Variants in MANBA observed in about 807,000 individuals in gnomAD.
The protein encoded by MANBA is mannosidase beta.
MANBA carries 83 observed loss-of-function variants against 111.1 expected under a neutral mutation model. That is an observed-to-expected ratio of 0.75 (90% CI 0.63 to 0.90). The LOEUF (loss-of-function observed/expected upper bound fraction) is 0.90, where lower values mean the gene tolerates loss of function less well. Among genes scored for constraint, MANBA ranks in the 40% least tolerant of loss-of-function variants. MANBA has a pLI of 0.00. For synonymous variants in MANBA, 370 were observed against 378.7 expected, an observed-to-expected ratio of 0.98 and a Z score of 0.27; for missense variants, 1,036 against 1,069.0, an observed-to-expected ratio of 0.97 and a Z score of 0.43.
At chr4:102,650,791 A>G in intron 12 of MANBA, 90 bp from the exon 13 acceptor site, 1 of 1,017,328 alleles carries the variant, frequency 9.8e-7, no homozygotes, top group South Asian at 1.3e-5. Context: ...AAAGTATCCT[A>G]AACACTAGAG....
chr4:102,723,403 A>G (rs1722663811), intron 3 of MANBA, among the ~76,000 whole-genome samples: 1 of 152,214 alleles, frequency 6.6e-6, no homozygotes. Context: ...TAGACACTTC[A>G]TGACAACCTG....
chr4:102,709,232 G>A (rs940283538), intron 5 of MANBA, among the ~76,000 whole-genome samples: 2 of 136,628 alleles, frequency 1.5e-5, no homozygotes, highest in African/African-American at 2.7e-5. Flanking sequence ...GAAAGGAAAG[G>A]AAAAAAGAAA....
intron 5 of MANBA, among the ~76,000 whole-genome samples, chr4:102,704,456 C>G (rs1204552982): frequency 6.6e-6 from 1 of 152,108 alleles, no homozygotes; most frequent in African/African-American, 2.4e-5. Context: ...AAGCATGAGC[C>G]ACCACGCCCA....
intron 5 of MANBA, among the ~76,000 whole-genome samples, chr4:102,697,398 C>T (rs1732768784): frequency 6.6e-6 from 1 of 151,750 alleles, no homozygotes; most frequent in Admixed American, 6.6e-5. Context: ...GGTACATGTG[C>T]ACAATGTGCA....
Position 102,639,803 on chromosome 4 carries a change from T to G in MANBA, c.1924A>C (p.Ser642Arg), listed in dbSNP as rs1729798038. 1.2e-6 allele frequency: 2 copies of G among 1,614,128 alleles called. No homozygotes were observed. Among genetic ancestry groups the G allele is most frequent in the East Asian group, 2.2e-5 (1 of 44,888 alleles). Reference protein sequence around the residue: ...TETEFYRRSRSEIVDQQGHTM... With the variant: ...TETEFYRRSRREIVDQQGHTM... Reference sequence around the variant, plus strand: ...TGCCCTTGCTGATCCACTATCTCGCTGCGACTACGGCGGTAGAATTCAGTT... The same window carrying G: ...TGCCCTTGCTGATCCACTATCTCGCGGCGACTACGGCGGTAGAATTCAGTT... The change falls in exon 14 of 17, where the codon AGC becomes CGC. Residue 642 changes from serine to arginine, a missense_variant. Ser to Arg is a moderately radical substitution (Grantham distance 110, BLOSUM62 -1). Transcript: ENST00000647097.
In MANBA at chr4:102,631,104, CTTTGTGTGTGTGTGTG is replaced by C. The variant is rs1409282594; in HGVS notation, c.*937_*952del. On this transcript the variant is annotated 3_prime_UTR_variant, in exon 17 of 17. Transcript: ENST00000647097. ...AAGTCCCCTTATCCCCTTGATAAGG[CTTTGTGTGTGTGTGTG>C]TGTGTGTGTGTGTGTGTGTGTGTGT... The C allele has an allele frequency of 1.8e-3, 246 of 138,966 alleles. 2 individuals carry two copies. Among genetic ancestry groups the C allele is most frequent in the East Asian group, 0.01 (50 of 4,828 alleles). 8.6% of individuals were successfully genotyped at this position (138,966 alleles called of 1,614,324 possible).
rs376200367 is a variant in MANBA at position 102,635,091 on chromosome 4, A to C, written c.2158-46T>G. ...ATAAAAACAGGCATTCTTGGTTGCT[A>C]TGTTTTTAAGGAACAATAGTAGTAA... On this transcript the variant is annotated intron_variant, in intron 15 of 16. Transcript: ENST00000647097. The C allele has an allele frequency of 1.6e-5, 26 of 1,605,480 alleles. 1 individual carries two copies. The South Asian group carries it at 2.8e-4, about 17-fold the overall frequency.
chr4:102,664,768 G>T lies in MANBA; in HGVS notation c.1402C>A (p.His468Asn). Residue 468 changes from histidine to asparagine, a missense_variant, in exon 11 of 17, where the codon CAT becomes AAT. His to Asn is a moderately conservative substitution (Grantham distance 68, BLOSUM62 1). Coordinates refer to ENST00000647097, the MANE Select transcript of MANBA (RefSeq NM_005908.4). ...NEEALMMNWY[H>N]ISFTDRPIYI... ...ATTGGCCGGTCAGTGAAACTGATAT[G>T]ATACCAATTCATCATCAGCGCCTCC... The T allele has an allele frequency of 6.2e-7, 1 of 1,610,066 alleles. No homozygotes were observed. Among genetic ancestry groups the T allele is most frequent in the Non-Finnish European group, 8.5e-7 (1 of 1,176,264 alleles).
chr4:102,688,740 T>C (rs1484802887), intron 7 of MANBA, among the ~76,000 whole-genome samples: 3 of 152,192 alleles, frequency 2.0e-5, no homozygotes, highest in Admixed American at 2.0e-4. Context: ...AATAACAAAG[T>C]GCAGTTCTTT....
At chr4:102,699,093 C>T (rs1407547124) in intron 5 of MANBA, among the ~76,000 whole-genome samples, 12 of 152,002 alleles carry the variant, frequency 7.9e-5, no homozygotes, top group African/African-American at 2.9e-4. Flanking sequence ...AGGTGGATTC[C>T]TAGGTATTTT....
At chr4:102,697,637 T>A (rs1186550502) in intron 5 of MANBA, among the ~76,000 whole-genome samples, 3 of 149,432 alleles carry the variant, frequency 2.0e-5, no homozygotes, top group African/African-American at 7.4e-5. Flanking sequence ...GATAGTTTAC[T>A]GAGAATGATG....
At position 102,714,532 on chromosome 4, in the gene MANBA, C is replaced by A; in HGVS notation, c.579G>T (p.Gly193=). The change falls in exon 5 of 17, where the codon GGG becomes GGT. Residue 193 remains glycine, a synonymous_variant. Coordinates refer to ENST00000647097, the MANE Select transcript of MANBA (RefSeq NM_005908.4). ...AGATTCCCTGGGTAGGAAAGGAAGGCCCCCAGTCCCAACTAAAGGAACATT... is the reference window on the plus strand; with the variant it reads ...AGATTCCCTGGGTAGGAAAGGAAGGACCCCAGTCCCAACTAAAGGAACATT... ...KEQCSFSWDW[G]PSFPTQGIWK... 1 of 1,607,900 alleles carries A rather than the reference C, an allele frequency of 6.2e-7. No homozygotes were observed. Among genetic ancestry groups the A allele is most frequent in the South Asian group, 1.1e-5 (1 of 90,932 alleles).
chr4:102,754,082 C>A, intron 1 of MANBA: 3 of 268,374 alleles, frequency 1.1e-5, no homozygotes, highest in South Asian at 3.0e-5. Flanking sequence ...GCCCATGTCA[C>A]CAATAAACTT....
At chr4:102,654,392 T>A (rs1730469139) in intron 12 of MANBA, among the ~76,000 whole-genome samples, 1 of 152,190 alleles carries the variant, frequency 6.6e-6, no homozygotes. Flanking sequence ...AATTTTTCGT[T>A]AATTAATTTT....
chr4:102,747,756 C>T (rs1047184277), intron 1 of MANBA, among the ~76,000 whole-genome samples: 10 of 152,096 alleles, frequency 6.6e-5, no homozygotes, highest in African/African-American at 2.4e-4. Flanking sequence ...ATATTGCTTC[C>T]CATCTAACAT....
rs1423640137 is a variant in MANBA at position 102,723,257 on chromosome 4, A to C, written c.379-216T>G. 3.3e-5 allele frequency among the ~76,000 whole-genome samples: 5 copies of C among 152,104 alleles called. No homozygotes were observed. The East Asian group carries it at 7.7e-4, about 23-fold the overall frequency. ...CTAAGCATATTTTCCTACCCAATCC[A>C]AGTTTCTAGGCTTCTCCTTCTATTT... On this transcript the variant is annotated intron_variant, in intron 3 of 16. Coordinates refer to ENST00000647097, the MANE Select transcript of MANBA (RefSeq NM_005908.4).
chr4:102,754,002 CAAAAAA>C, intron 1 of MANBA: 2 of 175,940 alleles, frequency 1.1e-5, no homozygotes, highest in South Asian at 4.2e-5. Flanking sequence ...GACTCTGTCT[CAAAAAA>C]AAAAAAAAAG....
In MANBA at chr4:102,714,472, A is replaced by C; in HGVS notation, c.639T>G (p.Cys213Trp). 6.2e-7 allele frequency: 1 copy of C among 1,607,024 alleles called. No homozygotes were observed. The highest frequency in any genetic ancestry group is 1.1e-5 in the South Asian group (1 of 90,930). The part of the protein sequence containing the change: ...KDVRIEAYNI[C>W]HLNYFTFSPI... ...GGGAAAATGTGAAGTAGTTCAGGTGACAAATATTATAGGCTTCAATTCTAA... is the reference window on the plus strand; with the variant it reads ...GGGAAAATGTGAAGTAGTTCAGGTGCCAAATATTATAGGCTTCAATTCTAA... The change falls in exon 5 of 17, where the codon TGT (cysteine) becomes TGG (tryptophan). Residue 213 changes from cysteine (C) to tryptophan (W), a missense_variant. Transcript: ENST00000647097.
chr4:102,728,145 T>C, intron 1 of MANBA: 1 of 538,694 alleles, frequency 1.9e-6, no homozygotes, highest in Non-Finnish European at 3.8e-6. Flanking sequence ...TTGGTATAGA[T>C]GGCGTTTCCT....
Sources: allele counts gnomAD v4.1 joint callset (sites outside exome capture counted in the v4.1 genomes callset), GRCh38; gene constraint gnomAD v4.1.1; transcripts MANE v1.5; gene names NCBI Gene and HGNC (gene_info 2026-07-23, HGNC 2026-07-21).